XKR6: variants seen among roughly 807,000 people sequenced by gnomAD.
XKR6 encodes XK-related protein 6.
XKR6 carries 22 observed loss-of-function variants against 56.7 expected under a neutral mutation model. The observed-to-expected ratio is 0.39, with a 90% CI of 0.28 to 0.55. The LOEUF (loss-of-function observed/expected upper bound fraction) is 0.55, where lower values mean the gene tolerates loss of function less well. Among genes scored for constraint, XKR6 ranks in the 20% least tolerant of loss-of-function variants. The probability of loss-of-function intolerance (pLI) is 0.66; values close to 1 mark genes in which losing one functional copy is unlikely to be tolerated. For synonymous variants in XKR6, 524 were observed against 387.8 expected (o/e 1.35, Z -4.13); for missense variants, 852 against 889.0 (o/e 0.96, Z 0.53).
intron 2 of XKR6, among the ~76,000 whole-genome samples, chr8:10,902,536 C>T (rs1051052480): frequency 1.3e-5 from 2 of 152,204 alleles, no homozygotes; most frequent in African/African-American, 4.8e-5. Flanking sequence ...TTCAGCTTTC[C>T]AGATATCCAG....
At chr8:11,055,210 T>C (rs1799650947) in intron 1 of XKR6, among the ~76,000 whole-genome samples, 2 of 151,786 alleles carry the variant, frequency 1.3e-5, no homozygotes, top group South Asian at 4.2e-4. Flanking sequence ...ACAAAGAAAG[T>C]AGAGATTCAC....
At chr8:11,186,354 G>A (rs1803275654) in intron 1 of XKR6, among the ~76,000 whole-genome samples, 1 of 152,144 alleles carries the variant, frequency 6.6e-6, no homozygotes, top group Non-Finnish European at 1.5e-5. Flanking sequence ...CATGTGAGTG[G>A]AAGTGATGTG....
At chr8:10,942,611 T>C (rs1277989485) in intron 1 of XKR6, among the ~76,000 whole-genome samples, 1 of 152,172 alleles carries the variant, frequency 6.6e-6, no homozygotes. Flanking sequence ...GCAGGAGCCC[T>C]CAAATTACGA....
chr8:11,094,280 C>T (rs529143270), intron 1 of XKR6, among the ~76,000 whole-genome samples: 27 of 152,198 alleles, frequency 1.8e-4, no homozygotes, highest in African/African-American at 3.9e-4. Context: ...CCTCTGTCTC[C>T]GGGGTTCAAG....
intron 1 of XKR6, among the ~76,000 whole-genome samples, chr8:11,080,879 A>G (rs1436422985): frequency 6.6e-6 from 1 of 152,256 alleles, no homozygotes; most frequent in Non-Finnish European, 1.5e-5. Flanking sequence ...AGAGGAGAAT[A>G]GAGATATTAT....
chr8:11,105,447 G>C (rs1057625), intron 1 of XKR6: 69,396 of 152,010 alleles, frequency 0.46, 17,246 homozygotes, highest in African/African-American at 0.61. Context: ...GTGCTCAAGC[G>C]CCCTTGATCT....
chr8:11,006,534 T>C (rs1394906378), intron 1 of XKR6, among the ~76,000 whole-genome samples: 4 of 152,160 alleles, frequency 2.6e-5, no homozygotes, highest in East Asian at 1.9e-4. Flanking sequence ...CCAAGTGGAA[T>C]AGAGTAAGGC....
At position 11,091,729 on chromosome 8, in the gene XKR6, C is replaced by T. The variant is rs570461074; in HGVS notation, c.764+108847G>A. 7.9e-5 allele frequency among the ~76,000 whole-genome samples: 12 copies of T among 152,148 alleles called. No homozygotes were observed. In the South Asian group the frequency reaches 1.9e-3, roughly 24 times the overall value. On this transcript the variant is annotated intron_variant, in intron 1 of 2. Transcript: ENST00000416569. ...GCCATTTGCAGTGATGCCCTGCAGCCGTGGGGCCGGGTGAGTTACCTGCAT... is the reference window on the plus strand; with the variant it reads ...GCCATTTGCAGTGATGCCCTGCAGCTGTGGGGCCGGGTGAGTTACCTGCAT...
At chr8:10,915,927 T>A (rs1800551230) in intron 2 of XKR6, among the ~76,000 whole-genome samples, 1 of 152,202 alleles carries the variant, frequency 6.6e-6, no homozygotes, top group Non-Finnish European at 1.5e-5. Flanking sequence ...AAGAGGGAGT[T>A]GGTCCTCTTT....
At chr8:11,118,935 T>A (rs997002819) in intron 1 of XKR6, among the ~76,000 whole-genome samples, 2 of 152,230 alleles carry the variant, frequency 1.3e-5, no homozygotes, top group Non-Finnish European at 2.9e-5. Context: ...TGCTTTCTCT[T>A]GTGGGCATTT....
intron 1 of XKR6, among the ~76,000 whole-genome samples, chr8:11,131,672 T>C (rs1476398533): frequency 6.6e-6 from 1 of 152,190 alleles, no homozygotes; most frequent in Non-Finnish European, 1.5e-5. Context: ...CACAACAATA[T>C]TCTGGTCAAT....
chr8:11,033,545 T>C (rs1055773642), intron 1 of XKR6, among the ~76,000 whole-genome samples: 1 of 152,068 alleles, frequency 6.6e-6, no homozygotes, highest in Non-Finnish European at 1.5e-5. Flanking sequence ...ATGAAGAAGA[T>C]CACGATGACA....
chr8:11,200,860 G>C lies in XKR6; in HGVS notation c.480C>G (p.Val160=). The change falls in exon 1 of 3, where the codon GTC becomes GTG. Residue 160 remains valine (V), a synonymous_variant. Coordinates refer to ENST00000416569, the MANE Select transcript of XKR6 (RefSeq NM_173683.4). This position sits in a 1 kb window ranked among gnomAD's most constrained non-coding sequence, Gnocchi z 6.4. ...CGAAGAAGAGGGTCAGCCCGAAGTA[G>C]ACGTAGTCCCCCTTGCGGTAGTAGT... is the stretch of plus-strand genomic sequence containing the variant. ...ALDYYRKGDY[V]YFGLTLFFVL... is the part of the protein sequence containing the mutation. The C allele has an allele frequency of 6.2e-7, 1 of 1,611,960 alleles. No homozygotes were observed. Among genetic ancestry groups the C allele is most frequent in the Non-Finnish European group, 8.5e-7 (1 of 1,179,518 alleles).
chr8:11,165,118 G>C (rs1458724266), intron 1 of XKR6, among the ~76,000 whole-genome samples: 1 of 6,954 alleles, frequency 1.4e-4, no homozygotes, highest in African/African-American at 5.2e-4. Flanking sequence ...TTTTTTTTTT[G>C]AGACAGAGTG....
intron 1 of XKR6, among the ~76,000 whole-genome samples, chr8:11,083,130 C>T (rs894276114): frequency 1.3e-5 from 2 of 152,148 alleles, no homozygotes; most frequent in Non-Finnish European, 1.5e-5. Context: ...CCTCCCTCTC[C>T]GAGTCTCGGC....
At position 10,960,013 on chromosome 8, in the gene XKR6, G is replaced by T. The variant is rs73196866; in HGVS notation, c.765-35183C>A. ...ATTACAAAAGCCTGAAGGTCAGGGG[G>T]GGGCCTCCTTAAAATTTGCACCTGG... is the stretch of plus-strand genomic sequence containing the variant. On this transcript the variant is annotated intron_variant, in intron 1 of 2. Coordinates refer to ENST00000416569, the MANE Select transcript of XKR6 (RefSeq NM_173683.4). 5.2e-3 allele frequency among the ~76,000 whole-genome samples: 790 copies of T among 152,280 alleles called. 8 individuals are homozygous for T. Among genetic ancestry groups the T allele is most frequent in the African/African-American group, 0.018 (729 of 41,550 alleles).
At chr8:11,100,273 C>T (rs1458828112) in intron 1 of XKR6, among the ~76,000 whole-genome samples, 1 of 152,094 alleles carries the variant, frequency 6.6e-6, no homozygotes, top group African/African-American at 2.4e-5. Flanking sequence ...AGGCTGGTCT[C>T]GAAATTCTTG....
chr8:10,899,065 G>A (rs1487107755), intron 2 of XKR6, 149 bp from the exon 3 acceptor site: 4 of 1,227,862 alleles, frequency 3.3e-6, no homozygotes, highest in Non-Finnish European at 4.5e-6. Flanking sequence ...GAACTTGGAG[G>A]TCACAGCTGC....
At chr8:11,053,187 T>C (rs1284633595) in intron 1 of XKR6, among the ~76,000 whole-genome samples, 1 of 152,228 alleles carries the variant, frequency 6.6e-6, no homozygotes, top group Non-Finnish European at 1.5e-5. Context: ...TGTGCCATTG[T>C]GGAGGAATCA....
Sources: gnomAD v4.1 joint callset for allele counts (sites outside exome capture counted in the v4.1 genomes callset) on GRCh38, gnomAD v4.1.1 for gene constraint, Gnocchi (gnomAD v3.1) non-coding constraint, MANE v1.5 for transcripts, NCBI Gene and HGNC (gene_info 2026-07-23, HGNC 2026-07-21) for gene names.